Variants in SLX4IP observed in about 807,000 individuals in gnomAD.
SLX4IP encodes protein SLX4IP.
Under a neutral mutation model 32.9 loss-of-function variants are expected in SLX4IP, and 34 were observed. That is an observed-to-expected ratio of 1.03 (90% confidence interval 0.79 to 1.38). The LOEUF (loss-of-function observed/expected upper bound fraction) is 1.38, where lower values mean the gene tolerates loss of function less well. Among genes scored for constraint, SLX4IP ranks in the 40% most tolerant of loss-of-function variants. SLX4IP has a pLI of 0.00. For synonymous variants in SLX4IP, 172 were observed against 171.7 expected (o/e 1.00, Z -0.01); for missense variants, 444 against 479.0 (o/e 0.93, Z 0.68).
At chr20:10,465,933 C>G (rs1285659916) in intron 2 of SLX4IP, among the ~76,000 whole-genome samples, 1 of 152,204 alleles carries the variant, frequency 6.6e-6, no homozygotes, top group Non-Finnish European at 1.5e-5. Flanking sequence ...CTTGGTACTC[C>G]TACCTCCTGG....
chr20:10,624,582 A>G lies in SLX4IP; in HGVS notation c.*1203A>G, dbSNP rs1230907050. ...CATCTTTTTTTTTTTTCTGTTCAAC[A>G]TGGGGTGGTCCTTTGAAATGGCACC... On this transcript the variant is annotated 3_prime_UTR_variant, in exon 8 of 8. Coordinates refer to ENST00000334534, the MANE Select transcript of SLX4IP (RefSeq NM_001009608.3). 6.6e-6 allele frequency: 1 copy of G among 151,934 alleles called. No homozygotes were observed. Among genetic ancestry groups the G allele is most frequent in the Non-Finnish European group, 1.5e-5 (1 of 67,984 alleles). 9.4% of individuals were successfully genotyped at this position (151,934 alleles called of 1,614,324 possible). A position where few individuals can be genotyped will look rare whatever the true frequency, so the allele number is the denominator to read the frequency against.
At chr20:10,502,621 C>G (rs184880744) in intron 2 of SLX4IP, among the ~76,000 whole-genome samples, 259 of 151,432 alleles carry the variant, frequency 1.7e-3, no homozygotes, top group African/African-American at 6.2e-3. Context: ...CGTGTACTCC[C>G]TCTCTTTGGG....
At chr20:10,458,092 T>C (rs1266709782) in intron 1 of SLX4IP, 84 bp from the exon 2 acceptor site, 3 of 780,926 alleles carry the variant, frequency 3.8e-6, no homozygotes, top group Non-Finnish European at 5.8e-6. Context: ...GATATTTTAC[T>C]ATTCAGCCCA....
intron 2 of SLX4IP, among the ~76,000 whole-genome samples, chr20:10,517,617 A>T (rs1191801257): frequency 6.6e-6 from 1 of 152,176 alleles, no homozygotes; most frequent in Non-Finnish European, 1.5e-5. Flanking sequence ...TACATTTCTC[A>T]TCAGTAAATT....
intron 4 of SLX4IP, among the ~76,000 whole-genome samples, chr20:10,580,836 A>G (rs2066577330): frequency 6.6e-6 from 1 of 152,150 alleles, no homozygotes; most frequent in Non-Finnish European, 1.5e-5. Flanking sequence ...AGAAAGAGTA[A>G]AATCCCTTTT....
intron 4 of SLX4IP, among the ~76,000 whole-genome samples, chr20:10,564,735 A>G (rs1442603680): frequency 1.3e-5 from 2 of 152,222 alleles, no homozygotes; most frequent in African/African-American, 2.4e-5. Context: ...GACATTGCCA[A>G]TAGCCTCATT....
At position 10,592,622 on chromosome 20, in the gene SLX4IP, CTTTTTTTT is replaced by C. The variant is rs33995611; in HGVS notation, c.239-6030_239-6023del. Among the ~76,000 whole-genome samples, 7 of 55,168 alleles carry C rather than the reference CTTTTTTTT, an allele frequency of 1.3e-4. No homozygotes were observed. In the South Asian group the frequency reaches 5.6e-3, roughly 44 times the overall value. 36.2% of individuals were successfully genotyped at this position (55,168 alleles called of 152,430 possible). A position where few individuals can be genotyped will look rare whatever the true frequency, so the allele number is the denominator to read the frequency against. ...GCTTGAAAGCACACGTATTCTTCATCTTTTTTTTTTTTTTTTTTTTTTTTTTTTTTGAG... is the reference window on the plus strand; with the variant it reads ...GCTTGAAAGCACACGTATTCTTCATCTTTTTTTTTTTTTTTTTTTTTTGAG... On this transcript the variant is annotated intron_variant, in intron 4 of 7. Transcript: ENST00000334534.
At chr20:10,575,178 G>A (rs1457951463) in intron 4 of SLX4IP, among the ~76,000 whole-genome samples, 2 of 152,148 alleles carry the variant, frequency 1.3e-5, no homozygotes, top group Admixed American at 1.3e-4. Flanking sequence ...TTGATGTGGG[G>A]TGAGATTAAA....
chr20:10,446,106 G>A (rs2065200508), intron 1 of SLX4IP, among the ~76,000 whole-genome samples: 1 of 151,790 alleles, frequency 6.6e-6, no homozygotes, highest in Non-Finnish European at 1.5e-5. Flanking sequence ...CCAGTTTGTG[G>A]CTGTTAAGAA....
intron 2 of SLX4IP, among the ~76,000 whole-genome samples, chr20:10,533,813 C>T (rs1474342714): frequency 2.7e-5 from 4 of 150,000 alleles, no homozygotes; most frequent in Non-Finnish European, 5.9e-5. Context: ...AGAGATGGGG[C>T]TTTGTCATGT....
chr20:10,503,411 C>T (rs1305382701), intron 2 of SLX4IP, among the ~76,000 whole-genome samples: 1 of 152,074 alleles, frequency 6.6e-6, no homozygotes, highest in African/African-American at 2.4e-5. Context: ...TGCCAGGCAC[C>T]CTTAAGAAGT....
intron 2 of SLX4IP, among the ~76,000 whole-genome samples, chr20:10,500,068 C>T (rs2065702515): frequency 6.7e-6 from 1 of 149,118 alleles, no homozygotes; most frequent in Non-Finnish European, 1.5e-5. Context: ...ACATTGTGGT[C>T]TGAGCTCTGG....
intron 2 of SLX4IP, among the ~76,000 whole-genome samples, chr20:10,507,904 T>TTATATA (rs3063286): frequency 1.9e-4 from 28 of 147,154 alleles, no homozygotes; most frequent in African/African-American, 5.9e-4. Context: ...ACAGTCTCCT[T>TTATATA]TATATATATA....
intron 4 of SLX4IP, among the ~76,000 whole-genome samples, chr20:10,583,622 C>G (rs1348334918): frequency 6.6e-6 from 1 of 152,130 alleles, no homozygotes; most frequent in Non-Finnish European, 1.5e-5. Flanking sequence ...CCTGATGAGG[C>G]TGGGGTCCCT....
In SLX4IP at chr20:10,563,969, G is replaced by T. The variant is rs146160054; in HGVS notation, c.238+3149G>T. On this transcript the variant is annotated intron_variant, in intron 4 of 7. Transcript: ENST00000334534. ...TGTCATTGGTATTTTGGTAGGGATT[G>T]GTTAATAAATGCTTAGACTCTTGCT... Among the ~76,000 whole-genome samples the T allele has an allele frequency of 9.3e-3, 1,419 of 152,238 alleles. 24 individuals carry two copies. The highest frequency in any genetic ancestry group is 0.032 in the African/African-American group (1,343 of 41,540).
chr20:10,603,533 T>A, intron 6 of SLX4IP, among the ~76,000 whole-genome samples: 1 of 152,244 alleles, frequency 6.6e-6, no homozygotes, highest in East Asian at 1.9e-4. Context: ...CATTAACTTA[T>A]GAGGAAAATG....
At chr20:10,510,720 T>G (rs983854920) in intron 2 of SLX4IP, among the ~76,000 whole-genome samples, 3 of 151,902 alleles carry the variant, frequency 2.0e-5, no homozygotes, top group African/African-American at 7.3e-5. Flanking sequence ...TTGTCCCGCC[T>G]CAGCCTCCCA....
Position 10,622,895 on chromosome 20 carries a change from C to A in SLX4IP, c.743C>A (p.Pro248Gln), listed in dbSNP as rs1028600331. 6.8e-6 allele frequency: 11 copies of A among 1,614,012 alleles called. No homozygotes were observed. The South Asian group carries it at 1.2e-4, about 18-fold the overall frequency. ...CTGGAAAAAGTTAATCAGACCCAGCCAGAAGACACTAGTGGCCAGCAAAAA... is the reference window on the plus strand; with the variant it reads ...CTGGAAAAAGTTAATCAGACCCAGCAAGAAGACACTAGTGGCCAGCAAAAA... ...QKLEKVNQTQ[P>Q]EDTSGQQKPH... Residue 248 changes from proline to glutamine, a missense_variant, in exon 8 of 8, where the codon CCA (proline) becomes CAA (glutamine). Coordinates refer to ENST00000334534, the MANE Select transcript of SLX4IP (RefSeq NM_001009608.3).
rs1328004553 is a variant in SLX4IP at position 10,626,441 on chromosome 20, C to G, written c.*3062C>G. ...TTCTTCAACCACTTGCGTAGTACCC[C>G]AAATTATATTCAAGTCCCTGTGACT... On this transcript the variant is annotated 3_prime_UTR_variant, in exon 8 of 8. Coordinates refer to ENST00000334534, the MANE Select transcript of SLX4IP (RefSeq NM_001009608.3). The G allele has an allele frequency of 6.6e-6, 1 of 152,008 alleles. No individual in the cohort carries two copies. The highest frequency in any genetic ancestry group is 2.4e-5 in the African/African-American group (1 of 41,370). The allele number at this position is 152,008 out of a possible 1,614,324, so 9.4% of individuals were successfully genotyped here.
Sources: allele counts gnomAD v4.1 joint callset (sites outside exome capture counted in the v4.1 genomes callset), GRCh38; gene constraint gnomAD v4.1.1; transcripts MANE v1.5; gene names NCBI Gene and HGNC (gene_info 2026-07-23, HGNC 2026-07-21).